C11orf58: variants seen among roughly 807,000 people sequenced by gnomAD.
C11orf58 encodes chromosome 11 open reading frame 58.
C11orf58 carries 5 observed loss-of-function variants against 22.7 expected under a neutral mutation model. That is an observed-to-expected ratio of 0.22 (90% CI 0.12 to 0.46). The LOEUF is 0.46. Among genes scored for constraint, C11orf58 ranks in the 20% least tolerant of loss-of-function variants. The pLI, the probability that C11orf58 is intolerant of heterozygous loss-of-function variation, is 0.99. For synonymous variants in C11orf58, 71 were observed against 70.7 expected, an observed-to-expected ratio of 1.00 and a Z score of -0.02; for missense variants, 151 against 223.3, an observed-to-expected ratio of 0.68 and a Z score of 2.06.
Position 16,738,739 on chromosome 11 carries a change from G to A in C11orf58, c.-40G>A. The A allele has an allele frequency of 6.2e-7, 1 of 1,610,428 alleles. No individual in the cohort carries two copies. The highest frequency in any genetic ancestry group is 1.8e-4 in the Middle Eastern group (1 of 5,576). On this transcript the variant is annotated 5_prime_UTR_variant, in exon 1 of 5. Coordinates refer to ENST00000228136, the MANE Select transcript of C11orf58 (RefSeq NM_014267.6). Reference sequence around the variant, plus strand: ...GCTGGTTTTGCGGCTGGGAAGAGCGGCGAGAGGGTTCGGCATTTTTCGTCG... The same window carrying A: ...GCTGGTTTTGCGGCTGGGAAGAGCGACGAGAGGGTTCGGCATTTTTCGTCG...
intron 2 of C11orf58, 73 bp from the exon 3 acceptor site, chr11:16,748,024 C>G: frequency 1.7e-6 from 2 of 1,158,840 alleles, no homozygotes; most frequent in Non-Finnish European, 2.6e-6. Context: ...GAATAGTTTT[C>G]AGCACATAGT....
At chr11:16,750,587 C>T (rs1249586978) in intron 3 of C11orf58, 2 of 152,836 alleles carry the variant, frequency 1.3e-5, no homozygotes, top group Admixed American at 1.3e-4. Context: ...ATATGAGGCA[C>T]AGTTGTTAGA....
intron 2 of C11orf58, chr11:16,747,414 A>G (rs1424857405): frequency 6.6e-6 from 1 of 152,226 alleles, no homozygotes; most frequent in African/African-American, 2.4e-5. Context: ...AGCACTTATG[A>G]AACTAAATAT....
chr11:16,753,916 C>A, intron 4 of C11orf58: 1 of 546,662 alleles, frequency 1.8e-6, no homozygotes, highest in South Asian at 2.4e-5. Context: ...CCAGGCTGGT[C>A]TCAAAACTCC....
At chr11:16,751,631 A>G (rs1039396294) in intron 3 of C11orf58, 2 of 152,256 alleles carry the variant, frequency 1.3e-5, no homozygotes, top group African/African-American at 2.4e-5. Context: ...GGGGGCCACA[A>G]GTGAACATTG....
chr11:16,756,491 G>C lies in C11orf58; in HGVS notation c.*1387G>C, dbSNP rs144951547. 1 of 151,588 alleles carries C rather than the reference G, an allele frequency of 6.6e-6. No individual in the cohort carries two copies. 9.4% of individuals were successfully genotyped at this position (151,588 alleles called of 1,614,324 possible). A position where few individuals can be genotyped will look rare whatever the true frequency, so the allele number is the denominator to read the frequency against. ...TCACGGTGTTAGCCAGGATCGTCTCGATCTCCTGACCTCGTGATCCACCCA... is the reference window on the plus strand; with the variant it reads ...TCACGGTGTTAGCCAGGATCGTCTCCATCTCCTGACCTCGTGATCCACCCA... On this transcript the variant is annotated 3_prime_UTR_variant, in exon 5 of 5. Coordinates refer to ENST00000228136, the MANE Select transcript of C11orf58 (RefSeq NM_014267.6).
intron 2 of C11orf58, 45 bp downstream of exon 2, chr11:16,744,729 T>C (rs1487567162): frequency 1.2e-5 from 18 of 1,550,128 alleles, no homozygotes; most frequent in South Asian, 2.3e-5. Context: ...TGTGAAAATA[T>C]TGCCATTTTT....
chr11:16,754,946 A>T lies in C11orf58; in HGVS notation c.394A>T (p.Ser132Cys). 1 of 1,614,124 alleles carries T rather than the reference A, an allele frequency of 6.2e-7. No homozygotes were observed. The highest frequency in any genetic ancestry group is 1.1e-5 in the South Asian group (1 of 91,088). The change falls in exon 5 of 5, where the codon AGT (serine) becomes TGT (cysteine). Residue 132 changes from serine (S) to cysteine (C), a missense_variant. This residue lies in a region of C11orf58 where 112 missense variants were observed against 162.6 expected (regional missense o/e 0.69). Transcript: ENST00000228136. ...DDDDDSPDPE[S>C]PDDSESDSES... ...CGATGATGATTCACCTGATCCTGAAAGTCCAGATGATTCTGAAAGCGATTC... is the reference window on the plus strand; with the variant it reads ...CGATGATGATTCACCTGATCCTGAATGTCCAGATGATTCTGAAAGCGATTC...
At chr11:16,740,944 A>C (rs751383328) in intron 1 of C11orf58, among the ~76,000 whole-genome samples, 11 of 151,872 alleles carry the variant, frequency 7.2e-5, no homozygotes, top group African/African-American at 9.7e-5. Context: ...AAATACAAAA[A>C]AATTAACCGG....
chr11:16,749,795 T>C (rs1848516951), intron 3 of C11orf58: 1 of 152,240 alleles, frequency 6.6e-6, no homozygotes, highest in Non-Finnish European at 1.5e-5. Context: ...GAGGCTTGAC[T>C]GCACAGAGAC....
At chr11:16,747,110 C>T (rs536998423) in intron 2 of C11orf58, 1 of 152,312 alleles carries the variant, frequency 6.6e-6, no homozygotes, top group African/African-American at 2.4e-5. Context: ...CAGTGCAATA[C>T]TGTCATCATC....
At chr11:16,748,310 C>A in intron 3 of C11orf58, 153 bp downstream of exon 3, 1 of 583,022 alleles carries the variant, frequency 1.7e-6, no homozygotes, top group Non-Finnish European at 2.9e-6. Flanking sequence ...TGCCTGTAAT[C>A]CCGGTTATTT....
At chr11:16,739,415 G>A (rs1848425921) in intron 1 of C11orf58, 1 of 153,164 alleles carries the variant, frequency 6.5e-6, no homozygotes, top group Admixed American at 6.4e-5. Context: ...TTGAGACCTA[G>A]AAGCCCATTT....
At chr11:16,740,638 TCTC>T (rs1244946887) in intron 1 of C11orf58, among the ~76,000 whole-genome samples, 2 of 151,894 alleles carry the variant, frequency 1.3e-5, no homozygotes, top group Non-Finnish European at 1.5e-5. Context: ...CCCAGGCTGG[TCTC>T]CAACTACTAG....
Position 16,758,149 on chromosome 11 carries a change from CTG to C in C11orf58, c.*3047_*3048del, listed in dbSNP as rs1794541618. ...TACCTGCTCTGTGTTAGGGCGTAGT[CTG>C]TTTCCACCTCTGTAAGTCCTATCTA... On this transcript the variant is annotated 3_prime_UTR_variant, in exon 5 of 5. Coordinates refer to ENST00000228136, the MANE Select transcript of C11orf58 (RefSeq NM_014267.6). Among the ~76,000 whole-genome samples the C allele has an allele frequency of 6.6e-6, 1 of 152,214 alleles. No individual in the cohort carries two copies.
chr11:16,741,520 C>T (rs1848448496), intron 1 of C11orf58, among the ~76,000 whole-genome samples: 1 of 152,220 alleles, frequency 6.6e-6, no homozygotes, highest in South Asian at 2.1e-4. Context: ...TTTCAGAATG[C>T]AGCATTTGGG....
chr11:16,740,704 G>A (rs1019649285), intron 1 of C11orf58, among the ~76,000 whole-genome samples: 5 of 151,002 alleles, frequency 3.3e-5, no homozygotes, highest in African/African-American at 4.9e-5. Context: ...TTACAGGTGT[G>A]AGCCACCTCG....
intron 1 of C11orf58, among the ~76,000 whole-genome samples, chr11:16,740,214 C>G (rs1848434880): frequency 6.6e-6 from 1 of 152,148 alleles, no homozygotes; most frequent in Admixed American, 6.5e-5. Flanking sequence ...GACTTGATTG[C>G]TAGGATATCA....
chr11:16,753,926 C>G, intron 4 of C11orf58: 1 of 558,912 alleles, frequency 1.8e-6, no homozygotes, highest in Non-Finnish European at 3.3e-6. Context: ...CTCAAAACTC[C>G]TGGGTTCAAG....
Sources: gnomAD v4.1 joint callset for allele counts (sites outside exome capture counted in the v4.1 genomes callset) on GRCh38, gnomAD v4.1.1 for gene constraint, gnomAD v4.1.1 regional missense constraint, MANE v1.5 for transcripts, NCBI Gene and HGNC (gene_info 2026-07-23, HGNC 2026-07-21) for gene names.